MAN1A2: variants seen among roughly 807,000 people sequenced by gnomAD.
The protein encoded by MAN1A2 is mannosyl-oligosaccharide 1,2-alpha-mannosidase IB.
MAN1A2 carries 26 observed loss-of-function variants against 75.7 expected under a neutral mutation model. The ratio of observed to expected loss-of-function variants is 0.34; its 90% CI spans 0.25 to 0.48. The LOEUF (loss-of-function observed/expected upper bound fraction) is 0.48. Ranked by LOEUF, MAN1A2 falls within the 20% of genes least tolerant of loss-of-function variation. The pLI, the probability that MAN1A2 is intolerant of heterozygous loss-of-function variation, is 0.99. For synonymous variants in MAN1A2, 247 were observed against 264.6 expected (o/e 0.93, Z 0.65); for missense variants, 562 against 775.5 (o/e 0.72, Z 3.27).
At chr1:117,379,222 A>G (rs989876448) in intron 1 of MAN1A2, among the ~76,000 whole-genome samples, 2 of 151,724 alleles carry the variant, frequency 1.3e-5, no homozygotes, top group Non-Finnish European at 2.9e-5. Flanking sequence ...TCCCTGTGTG[A>G]CTTATTGAAG....
chr1:117,445,762 A>G (rs1649203223), intron 6 of MAN1A2, among the ~76,000 whole-genome samples: 1 of 150,900 alleles, frequency 6.6e-6, no homozygotes, highest in Non-Finnish European at 1.5e-5. Flanking sequence ...CCCGAGCTCA[A>G]GTGATCCTCC....
intron 1 of MAN1A2, among the ~76,000 whole-genome samples, chr1:117,400,325 C>CT (rs760096598): frequency 1.9e-3 from 286 of 150,542 alleles, no homozygotes; most frequent in Middle Eastern, 3.4e-3. Flanking sequence ...GCTAATAACT[C>CT]TTTTTTTTTC....
intron 12 of MAN1A2, among the ~76,000 whole-genome samples, chr1:117,503,521 C>T (rs964704761): frequency 6.6e-6 from 1 of 151,514 alleles, no homozygotes; most frequent in East Asian, 1.9e-4. Flanking sequence ...TCGTCTTATA[C>T]TCCAAACCCC....
intron 1 of MAN1A2, among the ~76,000 whole-genome samples, chr1:117,374,951 A>AT (rs2101717702): frequency 6.6e-6 from 1 of 152,302 alleles, no homozygotes; most frequent in South Asian, 2.1e-4. Context: ...TAATATTATT[A>AT]TTTACATAAT....
intron 7 of MAN1A2, among the ~76,000 whole-genome samples, chr1:117,461,930 C>T (rs1649836333): frequency 6.6e-6 from 1 of 152,080 alleles, no homozygotes; most frequent in Admixed American, 6.6e-5. Context: ...AGGAAAAACA[C>T]ACTGGCTGGA....
At chr1:117,461,156 GTA>G (rs1649805682) in intron 7 of MAN1A2, among the ~76,000 whole-genome samples, 2 of 152,044 alleles carry the variant, frequency 1.3e-5, no homozygotes, top group African/African-American at 4.8e-5. Context: ...TAGAACAAAA[GTA>G]TATATGTTTC....
chr1:117,426,351 G>A (rs916480926), intron 5 of MAN1A2, among the ~76,000 whole-genome samples: 10 of 151,870 alleles, frequency 6.6e-5, no homozygotes, highest in African/African-American at 2.4e-4. Context: ...TTTGCCTGAG[G>A]TTCTTTAAGC....
intron 6 of MAN1A2, among the ~76,000 whole-genome samples, chr1:117,454,516 T>C (rs1478370070): frequency 6.6e-6 from 1 of 152,212 alleles, no homozygotes; most frequent in Non-Finnish European, 1.5e-5. Flanking sequence ...CTATAGCCAC[T>C]GAAAATATTC....
At chr1:117,452,500 G>A (rs1210290946) in intron 6 of MAN1A2, among the ~76,000 whole-genome samples, 19 of 152,182 alleles carry the variant, frequency 1.2e-4, no homozygotes, top group Non-Finnish European at 5.9e-5. Context: ...ATGAGAAAGT[G>A]AAATAGTTAT....
intron 7 of MAN1A2, among the ~76,000 whole-genome samples, chr1:117,462,329 A>C (rs536420375): frequency 6.6e-6 from 1 of 152,304 alleles, no homozygotes; most frequent in East Asian, 1.9e-4. Context: ...GTAATGAAAA[A>C]TGAATTATGT....
intron 2 of MAN1A2, among the ~76,000 whole-genome samples, chr1:117,404,477 C>G (rs928063410): frequency 2.6e-5 from 4 of 152,096 alleles, no homozygotes; most frequent in Non-Finnish European, 5.9e-5. Flanking sequence ...TTGGCTGAAT[C>G]CAAGCCTGTA....
chr1:117,503,056 G>T, intron 12 of MAN1A2, 86 bp downstream of exon 12: 1 of 633,816 alleles, frequency 1.6e-6, no homozygotes, highest in Non-Finnish European at 2.6e-6. Flanking sequence ...CTATGTGACA[G>T]GTTACACTAA....
intron 6 of MAN1A2, among the ~76,000 whole-genome samples, chr1:117,457,896 G>A (rs1386419128): frequency 6.6e-6 from 1 of 151,988 alleles, no homozygotes; most frequent in African/African-American, 2.4e-5. Flanking sequence ...CTTACTTTCT[G>A]AACTCTAGCC....
chr1:117,455,527 T>A (rs1649550790), intron 6 of MAN1A2, among the ~76,000 whole-genome samples: 1 of 152,112 alleles, frequency 6.6e-6, no homozygotes, highest in Non-Finnish European at 1.5e-5. Flanking sequence ...ATAAACCAGA[T>A]CCTACACTTG....
intron 8 of MAN1A2, 132 bp from the exon 9 acceptor site, chr1:117,493,015 G>GC (rs1650929548): frequency 1.7e-6 from 1 of 592,404 alleles, no homozygotes; most frequent in Non-Finnish European, 3.0e-6. Context: ...GAAGTATGTT[G>GC]GAAATAGGGT....
At chr1:117,520,308 G>A (rs1651835859) in intron 12 of MAN1A2, among the ~76,000 whole-genome samples, 1 of 151,986 alleles carries the variant, frequency 6.6e-6, no homozygotes, top group African/African-American at 2.4e-5. Flanking sequence ...ACTAGCACTG[G>A]AAGTCCTAGC....
chr1:117,520,093 T>G (rs1045522792), intron 12 of MAN1A2, among the ~76,000 whole-genome samples: 3 of 152,002 alleles, frequency 2.0e-5, no homozygotes, highest in African/African-American at 7.2e-5. Context: ...CTCAATAGAT[T>G]CAGAAAAAGC....
chr1:117,477,784 G>A (rs974512570), intron 8 of MAN1A2, among the ~76,000 whole-genome samples: 1 of 151,982 alleles, frequency 6.6e-6, no homozygotes, highest in African/African-American at 2.4e-5. Flanking sequence ...GTCCTGGCCA[G>A]GGCAGTCAGG....
At position 117,376,957 on chromosome 1, in the gene MAN1A2, ACAGTATTTT is replaced by A. The variant is rs1454607847; in HGVS notation, c.302+8473_302+8481del. Among the ~76,000 whole-genome samples the A allele has an allele frequency of 1.3e-3, 205 of 152,350 alleles. 1 individual carries two copies. The highest frequency in any genetic ancestry group is 4.7e-3 in the African/African-American group (197 of 41,588). On this transcript the variant is annotated intron_variant, in intron 1 of 12. Transcript: ENST00000356554. The stretch of plus-strand genomic sequence containing the variant: ...TGTACATGGGTTATATGCAAATACT[ACAGTATTTT>A]ATATAAGAGACTTAAGCATTTGTGG...
Sources: allele counts gnomAD v4.1 joint callset (sites outside exome capture counted in the v4.1 genomes callset), GRCh38; gene constraint gnomAD v4.1.1; transcripts MANE v1.5; gene names NCBI Gene and HGNC (gene_info 2026-07-23, HGNC 2026-07-21).